Variants in NALF1 observed in about 807,000 individuals in gnomAD.
The protein encoded by NALF1 is NALCN channel auxiliary factor 1.
In NALF1, 3 loss-of-function variants were observed where a neutral mutation model predicts 48.4. The ratio of observed to expected loss-of-function variants is 0.06; its 90% CI spans 0.03 to 0.16. The LOEUF (loss-of-function observed/expected upper bound fraction) is 0.16, where lower values mean the gene tolerates loss of function less well. Ranked by LOEUF, NALF1 falls within the 10% of genes least tolerant of loss-of-function variation. NALF1 has a pLI of 1.00. For missense variants in NALF1, 526 were observed against 571.5 expected (o/e 0.92, Z 0.81); for synonymous variants, 262 against 245.7 (o/e 1.07, Z -0.62).
chr13:107,530,541 T>C (rs539305764), intron 1 of NALF1, among the ~76,000 whole-genome samples: 1 of 152,252 alleles, frequency 6.6e-6, no homozygotes, highest in East Asian at 1.9e-4. Flanking sequence ...TTTTTATGTA[T>C]GACCTGTGAT....
chr13:107,185,100 A>C (rs1879144019), intron 2 of NALF1, among the ~76,000 whole-genome samples: 1 of 152,196 alleles, frequency 6.6e-6, no homozygotes, highest in African/African-American at 2.4e-5. Flanking sequence ...GAGCAGCGCA[A>C]CTACAGGTCA....
chr13:107,671,999 GA>G (rs34568033), intron 1 of NALF1, among the ~76,000 whole-genome samples: 12 of 65,814 alleles, frequency 1.8e-4, no homozygotes, highest in East Asian at 3.9e-4. Flanking sequence ...AAATTGCCTT[GA>G]AAAAAAAAAT....
intron 1 of NALF1, among the ~76,000 whole-genome samples, chr13:107,661,040 T>C (rs1276754913): frequency 6.6e-6 from 1 of 152,206 alleles, no homozygotes; most frequent in African/African-American, 2.4e-5. Context: ...GAACTCAGAG[T>C]TAATAAAAAA....
In NALF1 at chr13:107,455,707, C is replaced by A. The variant is rs149058818; in HGVS notation, c.916-244952G>T. Among the ~76,000 whole-genome samples, 762 of 152,294 alleles carry A rather than the reference C, an allele frequency of 5.0e-3. 7 individuals carry two copies. The highest frequency in any genetic ancestry group is 0.018 in the African/African-American group (730 of 41,564). On this transcript the variant is annotated intron_variant, in intron 1 of 2. Transcript: ENST00000375915. ...CTCCACCTGTTTATCCTCCTCTCCC[C>A]ACTAACCTCTGGCAAGCACTGATCC...
intron 1 of NALF1, among the ~76,000 whole-genome samples, chr13:107,784,475 G>T (rs1878013408): frequency 6.6e-6 from 1 of 152,066 alleles, no homozygotes; most frequent in Non-Finnish European, 1.5e-5. Flanking sequence ...TGTCACAGAT[G>T]AAACATTTTA....
chr13:107,798,603 AAGC>A (rs900226829), intron 1 of NALF1, among the ~76,000 whole-genome samples: 3 of 152,186 alleles, frequency 2.0e-5, no homozygotes, highest in Non-Finnish European at 4.4e-5. Context: ...TATATTTAAG[AAGC>A]AGATTAACAA....
chr13:107,443,169 AATCTATCT>A (rs10564280), intron 1 of NALF1, among the ~76,000 whole-genome samples: 2,512 of 128,376 alleles, frequency 0.02, 61 homozygotes, highest in African/African-American at 0.043. Context: ...TTTATCTAAC[AATCTATCT>A]ATCTATCTAT....
At chr13:107,572,542 C>G (rs1293727118) in intron 1 of NALF1, among the ~76,000 whole-genome samples, 2 of 152,178 alleles carry the variant, frequency 1.3e-5, no homozygotes, top group South Asian at 4.2e-4. Context: ...CCCTTTGTGC[C>G]GATCCAGGAT....
intron 1 of NALF1, among the ~76,000 whole-genome samples, chr13:107,428,491 A>G (rs913231517): frequency 6.6e-6 from 1 of 152,172 alleles, no homozygotes; most frequent in Non-Finnish European, 1.5e-5. Context: ...TGAGCAGTGT[A>G]TGTGACTGTA....
At chr13:107,482,312 C>T (rs1885266253) in intron 1 of NALF1, among the ~76,000 whole-genome samples, 1 of 151,996 alleles carries the variant, frequency 6.6e-6, no homozygotes, top group African/African-American at 2.4e-5. Context: ...TGGTATGAGC[C>T]AATTCTTTAC....
chr13:107,797,021 A>T (rs1190552807), intron 1 of NALF1, among the ~76,000 whole-genome samples: 1 of 152,040 alleles, frequency 6.6e-6, no homozygotes, highest in East Asian at 1.9e-4. Flanking sequence ...CCTGAAATGT[A>T]CTCCAGCTGC....
At chr13:107,372,541 C>G (rs9555356) in intron 1 of NALF1, among the ~76,000 whole-genome samples, 70,549 of 152,088 alleles carry the variant, frequency 0.46, 17,636 homozygotes, top group East Asian at 0.74. Flanking sequence ...TGAAATATAG[C>G]AGAGAATAAA....
At chr13:107,530,951 T>G (rs530491690) in intron 1 of NALF1, among the ~76,000 whole-genome samples, 1 of 152,008 alleles carries the variant, frequency 6.6e-6, no homozygotes, top group Non-Finnish European at 1.5e-5. Context: ...ATTTTAGTTA[T>G]GTAAAAACTG....
intron 1 of NALF1, among the ~76,000 whole-genome samples, chr13:107,773,734 T>TGG (rs1385119630): frequency 2.5e-4 from 2 of 8,146 alleles, no homozygotes; most frequent in East Asian, 0.023. Context: ...TGTTGTGGGG[T>TGG]GGGGGGAGGG....
chr13:107,466,528 T>C (rs1885006203), intron 1 of NALF1: 1 of 152,240 alleles, frequency 6.6e-6, no homozygotes, highest in African/African-American at 2.4e-5. Flanking sequence ...GGGGAGAATG[T>C]CTGCCAAGCA....
chr13:107,460,672 T>C (rs1273889768), intron 1 of NALF1, among the ~76,000 whole-genome samples: 1 of 152,190 alleles, frequency 6.6e-6, no homozygotes, highest in African/African-American at 2.4e-5. Flanking sequence ...TTTACAGATA[T>C]TATAATTGTA....
intron 2 of NALF1, among the ~76,000 whole-genome samples, chr13:107,176,281 T>A (rs1298222901): frequency 6.6e-6 from 1 of 151,726 alleles, no homozygotes; most frequent in Non-Finnish European, 1.5e-5. Context: ...AGTGAATCAT[T>A]ACCTGCTGTT....
At chr13:107,416,759 C>A (rs1284610104) in intron 1 of NALF1, among the ~76,000 whole-genome samples, 3 of 152,152 alleles carry the variant, frequency 2.0e-5, no homozygotes, top group Admixed American at 1.3e-4. Context: ...GCTCAAGGGT[C>A]ACTTGAATTA....
At chr13:107,218,811 G>GC (rs11405604) in intron 1 of NALF1, among the ~76,000 whole-genome samples, 89,049 of 151,878 alleles carry the variant, frequency 0.59, 26,460 homozygotes, top group East Asian at 0.77. Context: ...CTCATGGAAG[G>GC]CCACAGAGCT....
Sources: allele counts gnomAD v4.1 joint callset (sites outside exome capture counted in the v4.1 genomes callset), GRCh38; gene constraint gnomAD v4.1.1; transcripts MANE v1.5; gene names NCBI Gene and HGNC (gene_info 2026-07-23, HGNC 2026-07-21).